SMARCAD1: variants seen among roughly 807,000 people sequenced by gnomAD.
SMARCAD1 encodes SNF2 related chromatin remodeling ATPase with DExD box 1, also known as SWI/SNF-related matrix-associated actin-dependent regulator of chromatin subfamily A containing DEAD/H box 1.
Under a neutral mutation model 127.1 loss-of-function variants are expected in SMARCAD1, and 25 were observed. That is an observed-to-expected ratio of 0.20 (90% confidence interval 0.14 to 0.27). The LOEUF (loss-of-function observed/expected upper bound fraction) is 0.27. Among genes scored for constraint, SMARCAD1 ranks in the 10% least tolerant of loss-of-function variants. SMARCAD1 has a pLI of 1.00. For synonymous variants in SMARCAD1, 400 were observed against 396.9 expected, an observed-to-expected ratio of 1.01 and a Z score of -0.09; for missense variants, 807 against 1,206.0, an observed-to-expected ratio of 0.67 and a Z score of 4.90.
At chr4:94,212,807 T>G (rs1167898178) in intron 2 of SMARCAD1, among the ~76,000 whole-genome samples, 1 of 152,096 alleles carries the variant, frequency 6.6e-6, no homozygotes, top group East Asian at 1.9e-4. Flanking sequence ...GACCTTAAAA[T>G]AGTCCCTTTA....
At position 94,283,175 on chromosome 4, in the gene SMARCAD1, A is replaced by C. The variant is rs776700712; in HGVS notation, c.2781A>C (p.Leu927=). Residue 927 remains leucine, a synonymous_variant, in exon 22 of 24, where the codon CTA becomes CTC. Coordinates refer to ENST00000354268, the MANE Select transcript of SMARCAD1 (RefSeq NM_020159.5). ...ATATGGATATCTTTGTGTTTCTGCT[A>C]TCAACAAAAGCTGGTGGATTAGGAA... ...NTDMDIFVFL[L]STKAGGLGIN... The C allele has an allele frequency of 5.6e-6, 9 of 1,613,668 alleles. No individual in the cohort carries two copies. The highest frequency in any genetic ancestry group is 7.6e-6 in the Non-Finnish European group (9 of 1,179,954).
Position 94,276,886 on chromosome 4 carries a change from A to T in SMARCAD1, c.1945-136A>T, listed in dbSNP as rs553365202. On this transcript the variant is annotated intron_variant, in intron 15 of 23. Transcript: ENST00000354268. Reference sequence around the variant, plus strand: ...CGTCAATTATTTAAATTACTATATCATTTATCACAGAATGTTAAATTATTA... The same window carrying T: ...CGTCAATTATTTAAATTACTATATCTTTTATCACAGAATGTTAAATTATTA... The T allele has an allele frequency of 5.4e-6, 5 of 925,268 alleles. No homozygotes were observed. The East Asian group carries it at 1.1e-4, about 20-fold the overall frequency. The allele number at this position is 925,268 out of a possible 1,614,324, so 57.3% of individuals were successfully genotyped here. A position where few individuals can be genotyped will look rare whatever the true frequency, so the allele number is the denominator to read the frequency against.
chr4:94,234,722 C>G (rs1400748412), intron 4 of SMARCAD1, among the ~76,000 whole-genome samples: 1 of 152,262 alleles, frequency 6.6e-6, no homozygotes, highest in Non-Finnish European at 1.5e-5. Flanking sequence ...CTGTTCCTAG[C>G]TCTGCCACTT....
At chr4:94,276,995 T>C in intron 15 of SMARCAD1, 27 bp from the exon 16 acceptor site, 2 of 1,613,658 alleles carry the variant, frequency 1.2e-6, no homozygotes, top group Non-Finnish European at 1.7e-6. Context: ...AAGAAAAAGC[T>C]AATATAAATT....
At chr4:94,285,621 T>C (rs1754826606) in intron 23 of SMARCAD1, among the ~76,000 whole-genome samples, 1 of 152,234 alleles carries the variant, frequency 6.6e-6, no homozygotes, top group Non-Finnish European at 1.5e-5. Context: ...GTCTGTGTTA[T>C]ATTAGGCACT....
At chr4:94,241,839 A>T (rs753911603) in intron 6 of SMARCAD1, among the ~76,000 whole-genome samples, 5 of 152,240 alleles carry the variant, frequency 3.3e-5, no homozygotes, top group Middle Eastern at 3.4e-3. Context: ...ACTCAAGCCC[A>T]GTTGCCATGG....
At chr4:94,216,833 A>T (rs140778263) in intron 2 of SMARCAD1, among the ~76,000 whole-genome samples, 2 of 152,176 alleles carry the variant, frequency 1.3e-5, no homozygotes, top group African/African-American at 4.8e-5. Flanking sequence ...TCATCCATCA[A>T]TGGGCACTTG....
chr4:94,236,541 TCTC>T (rs996254629), intron 4 of SMARCAD1, among the ~76,000 whole-genome samples: 2 of 151,960 alleles, frequency 1.3e-5, no homozygotes, highest in Admixed American at 1.3e-4. Context: ...TGTCTGTCAG[TCTC>T]CTCTTTCCCC....
intron 23 of SMARCAD1, among the ~76,000 whole-genome samples, chr4:94,287,586 C>T (rs1755123228): frequency 6.6e-6 from 1 of 152,054 alleles, no homozygotes; most frequent in African/African-American, 2.4e-5. Flanking sequence ...ATTCCCAAGC[C>T]CCATTCTATA....
chr4:94,276,040 G>T (rs1753255050), intron 14 of SMARCAD1, among the ~76,000 whole-genome samples: 3 of 151,822 alleles, frequency 2.0e-5, no homozygotes, highest in African/African-American at 4.8e-5. Context: ...CTCGTGATCC[G>T]CCCGCCTCGG....
chr4:94,240,960 A>G lies in SMARCAD1; in HGVS notation c.659A>G (p.Asp220Gly), dbSNP rs1384790579. The change falls in exon 6 of 24, where the codon GAT becomes GGT. Residue 220 changes from aspartate (D) to glycine (G), a missense_variant. Physicochemically the swap from Asp to Gly is moderately conservative, Grantham distance 94. Transcript: ENST00000354268. ...TCTTCTTCAGAGCCATATGAGGAAG[A>G]TGAATTTAATGATGATCAATCTATA... ...LSSSSEPYEE[D>G]EFNDDQSIKK... is the part of the protein sequence containing the mutation. The G allele has an allele frequency of 6.2e-6, 10 of 1,613,220 alleles. No homozygotes were observed. Among genetic ancestry groups the G allele is most frequent in the Non-Finnish European group, 7.6e-6 (9 of 1,179,522 alleles).
At chr4:94,251,135 TAAC>T (rs1749216071) in intron 8 of SMARCAD1, among the ~76,000 whole-genome samples, 1 of 152,212 alleles carries the variant, frequency 6.6e-6, no homozygotes, top group Non-Finnish European at 1.5e-5. Flanking sequence ...ATAACCTTTT[TAAC>T]AACTGTCAGG....
Position 94,281,517 on chromosome 4 carries a change from A to G in SMARCAD1, c.2653A>G (p.Ile885Val), listed in dbSNP as rs754196866. 5.6e-6 allele frequency: 9 copies of G among 1,613,450 alleles called. No individual in the cohort carries two copies. Among genetic ancestry groups the G allele is most frequent in the East Asian group, 2.2e-5 (1 of 44,754 alleles). ...TAGCCAATTTACCATGATGCTGGAT[A>G]TCTTAGAGGTTCTATTAAAACATCA... ...LFSQFTMMLD[I>V]LEVLLKHHQH... Residue 885 changes from isoleucine to valine, a missense_variant, in exon 21 of 24, where the codon ATC becomes GTC. Coordinates refer to ENST00000354268, the MANE Select transcript of SMARCAD1 (RefSeq NM_020159.5).
chr4:94,267,374 AC>A (rs1246928964), intron 10 of SMARCAD1, among the ~76,000 whole-genome samples: 5 of 152,164 alleles, frequency 3.3e-5, no homozygotes, highest in African/African-American at 1.2e-4. Context: ...TGTCATACTT[AC>A]GGGACATAAA....
chr4:94,278,590 A>G (rs1474261197), intron 17 of SMARCAD1, 26 bp from the exon 18 acceptor site: 1 of 1,612,606 alleles, frequency 6.2e-7, no homozygotes, highest in Non-Finnish European at 8.5e-7. Flanking sequence ...TAGAATGATT[A>G]TCTTAAACTG....
At chr4:94,248,351 A>T in intron 6 of SMARCAD1, 1 of 386,218 alleles carries the variant, frequency 2.6e-6, no homozygotes, top group Non-Finnish European at 5.2e-6. Flanking sequence ...TAACAAATGA[A>T]CAACTGAAGT....
chr4:94,259,858 C>G (rs1750690051), intron 9 of SMARCAD1, among the ~76,000 whole-genome samples: 1 of 152,136 alleles, frequency 6.6e-6, no homozygotes. Flanking sequence ...TAATAAAAAT[C>G]ATCAATAATG....
chr4:94,290,459 T>C lies in SMARCAD1; in HGVS notation c.*925T>C, dbSNP rs8336. On this transcript the variant is annotated 3_prime_UTR_variant, in exon 24 of 24. Transcript: ENST00000354268. ...GAACAGATTACTTAAAGCTATTTCA[T>C]TTCAAAGCAGACTGAATGTGACTTC... is the stretch of plus-strand genomic sequence containing the variant. The C allele has an allele frequency of 0.6, 271,007 of 454,208 alleles. 81,785 individuals carry two copies. The highest frequency in any genetic ancestry group is 0.72 in the East Asian group (10,364 of 14,374). 28.1% of individuals were successfully genotyped at this position (454,208 alleles called of 1,614,324 possible). A position where few individuals can be genotyped will look rare whatever the true frequency, so the allele number is the denominator to read the frequency against.
rs187359998 is a variant in SMARCAD1 at position 94,212,627 on chromosome 4, C to T, written c.190+4043C>T. 3.6e-4 allele frequency among the ~76,000 whole-genome samples: 55 copies of T among 152,246 alleles called. 1 individual carries two copies. The highest frequency in any genetic ancestry group is 2.9e-3 in the Admixed American group (44 of 15,288). On this transcript the variant is annotated intron_variant, in intron 2 of 23. Coordinates refer to ENST00000354268, the MANE Select transcript of SMARCAD1 (RefSeq NM_020159.5). ...TCAGCCTCCCAAGTAGCTGAGACTA[C>T]AGGTGCACACCACCACAGCCGGCTA... is the stretch of plus-strand genomic sequence containing the variant.
Sources: gnomAD v4.1 joint callset for allele counts (sites outside exome capture counted in the v4.1 genomes callset) on GRCh38, gnomAD v4.1.1 for gene constraint, MANE v1.5 for transcripts, NCBI Gene and HGNC (gene_info 2026-07-23, HGNC 2026-07-21) for gene names.